GRM5: variants seen among roughly 807,000 people sequenced by gnomAD.
The protein encoded by GRM5 is metabotropic glutamate receptor 5.
A neutral mutation model predicts 83.1 loss-of-function variants in GRM5; 19 were observed. That is an observed-to-expected ratio of 0.23 (90% CI 0.16 to 0.34). The LOEUF (loss-of-function observed/expected upper bound fraction) is 0.34. Among genes scored for constraint, GRM5 ranks in the 10% least tolerant of loss-of-function variants. The probability of loss-of-function intolerance (pLI) is 1.00; values close to 1 mark genes in which losing one functional copy is unlikely to be tolerated. For synonymous variants in GRM5, 675 were observed against 633.6 expected, an observed-to-expected ratio of 1.07 and a Z score of -0.98; for missense variants, 1,160 against 1,588.3, an observed-to-expected ratio of 0.73 and a Z score of 4.58.
At chr11:88,954,703 C>A (rs1938555969) in intron 2 of GRM5, among the ~76,000 whole-genome samples, 2 of 152,018 alleles carry the variant, frequency 1.3e-5, no homozygotes, top group Admixed American at 6.6e-5. Flanking sequence ...GGCTAGTAGC[C>A]ACTGTAGTAG....
intron 8 of GRM5, among the ~76,000 whole-genome samples, chr11:88,531,609 T>C (rs550819695): frequency 1.3e-5 from 2 of 152,180 alleles, no homozygotes; most frequent in South Asian, 4.1e-4. Flanking sequence ...CTCATAGAAA[T>C]TGCAGACTCT....
intron 2 of GRM5, among the ~76,000 whole-genome samples, chr11:89,045,899 C>T (rs1307768682): frequency 2.0e-5 from 3 of 152,130 alleles, no homozygotes; most frequent in Non-Finnish European, 4.4e-5. Context: ...TGTCAGTATT[C>T]TTCTTGTTAA....
chr11:88,632,320 C>T (rs1938997997), intron 4 of GRM5, among the ~76,000 whole-genome samples: 1 of 142,926 alleles, frequency 7.0e-6, no homozygotes, highest in African/African-American at 2.6e-5. Flanking sequence ...AATCCTAGCT[C>T]ACTGCAGGCT....
intron 7 of GRM5, among the ~76,000 whole-genome samples, chr11:88,575,039 G>T (rs11020491): frequency 0.055 from 7,212 of 131,978 alleles, 584 homozygotes; most frequent in African/African-American, 0.19. Flanking sequence ...AAGTTCCCAA[G>T]TTTTCTTCAA....
chr11:88,854,683 T>C (rs1175690120), intron 2 of GRM5, among the ~76,000 whole-genome samples: 2 of 152,098 alleles, frequency 1.3e-5, no homozygotes, highest in African/African-American at 2.4e-5. Flanking sequence ...TTGGGTACAA[T>C]GTTCACATCT....
rs112574388 is a variant in GRM5 at position 88,606,519 on chromosome 11, T to C, written c.1148-1555A>G. On this transcript the variant is annotated intron_variant, in intron 4 of 9. Coordinates refer to ENST00000305447, the MANE Select transcript of GRM5 (RefSeq NM_001143831.3). ...CAACAAGAGGGAAAGTCAGTCAGCC[T>C]CAAAACAAACAAAACAAACAACCAA... 4.4e-4 allele frequency among the ~76,000 whole-genome samples: 67 copies of C among 152,302 alleles called. 3 individuals carry two copies. Among genetic ancestry groups the C allele is most frequent in the African/African-American group, 1.6e-3 (65 of 41,568 alleles).
chr11:88,645,451 C>G (rs888049867), intron 4 of GRM5, among the ~76,000 whole-genome samples: 8 of 152,012 alleles, frequency 5.3e-5, no homozygotes, highest in Non-Finnish European at 1.2e-4. Context: ...ACTGGGCATG[C>G]AATTTTAAAA....
At chr11:88,754,882 G>A (rs1942364349) in intron 3 of GRM5, among the ~76,000 whole-genome samples, 1 of 151,996 alleles carries the variant, frequency 6.6e-6, no homozygotes, top group African/African-American at 2.4e-5. Context: ...TTGTCTCTGT[G>A]CTCTGCCCAA....
intron 3 of GRM5, among the ~76,000 whole-genome samples, chr11:88,674,665 C>G (rs1940278219): frequency 1.3e-5 from 2 of 151,826 alleles, no homozygotes; most frequent in African/African-American, 2.4e-5. Context: ...TCTGCTCCTT[C>G]CAGAGACAAA....
chr11:89,033,930 T>C (rs1389570198), intron 2 of GRM5, among the ~76,000 whole-genome samples: 1 of 151,834 alleles, frequency 6.6e-6, no homozygotes, highest in Non-Finnish European at 1.5e-5. Flanking sequence ...ATATTTGAGA[T>C]TATGAATCAA....
At chr11:88,663,186 T>C (rs889920811) in intron 3 of GRM5, among the ~76,000 whole-genome samples, 2 of 152,174 alleles carry the variant, frequency 1.3e-5, no homozygotes, top group African/African-American at 4.8e-5. Context: ...CAGTATAGAC[T>C]GACTTACAAA....
intron 4 of GRM5, among the ~76,000 whole-genome samples, chr11:88,623,486 T>G (rs1398388891): frequency 6.6e-6 from 1 of 152,190 alleles, no homozygotes; most frequent in Non-Finnish European, 1.5e-5. Flanking sequence ...TCTTCATGAT[T>G]GGGCTGCATA....
intron 2 of GRM5, among the ~76,000 whole-genome samples, chr11:89,005,581 T>A (rs928489012): frequency 6.6e-6 from 1 of 152,224 alleles, no homozygotes; most frequent in Non-Finnish European, 1.5e-5. Flanking sequence ...TATGTTACCT[T>A]AGATAAGTTA....
intron 2 of GRM5, among the ~76,000 whole-genome samples, chr11:88,920,903 A>G (rs1243139704): frequency 6.6e-6 from 1 of 152,178 alleles, no homozygotes; most frequent in East Asian, 1.9e-4. Context: ...TTGACAGGAA[A>G]AGTGCTACAT....
At chr11:88,694,502 A>G (rs1940856278) in intron 3 of GRM5, among the ~76,000 whole-genome samples, 1 of 152,170 alleles carries the variant, frequency 6.6e-6, no homozygotes, top group Non-Finnish European at 1.5e-5. Flanking sequence ...ATACAGGTGG[A>G]AAGAACAGCA....
intron 9 of GRM5, among the ~76,000 whole-genome samples, chr11:88,519,843 A>G (rs1591318383): frequency 6.6e-6 from 1 of 152,170 alleles, no homozygotes; most frequent in Non-Finnish European, 1.5e-5. Flanking sequence ...TTGAATGCCT[A>G]TTGTGTGTCA....
At chr11:88,653,043 T>C in intron 4 of GRM5, 125 bp downstream of exon 4, 1 of 635,066 alleles carries the variant, frequency 1.6e-6, no homozygotes, top group Non-Finnish European at 2.8e-6. Flanking sequence ...TAAGTGGCAA[T>C]ATCCACTCTA....
chr11:88,530,294 A>C (rs949756988), intron 8 of GRM5, among the ~76,000 whole-genome samples: 3 of 151,952 alleles, frequency 2.0e-5, no homozygotes, highest in Admixed American at 1.3e-4. Flanking sequence ...TTTCTTATAA[A>C]CTATGGATTT....
chr11:88,932,528 T>C (rs187635626), intron 2 of GRM5, among the ~76,000 whole-genome samples: 10 of 152,066 alleles, frequency 6.6e-5, no homozygotes, highest in Non-Finnish European at 1.2e-4. Flanking sequence ...TTAGTTATTA[T>C]ATCTGCTGTT....
Sources: allele counts gnomAD v4.1 joint callset (sites outside exome capture counted in the v4.1 genomes callset), GRCh38; gene constraint gnomAD v4.1.1; transcripts MANE v1.5; gene names NCBI Gene and HGNC (gene_info 2026-07-23, HGNC 2026-07-21).